RHOBTB1: variants seen among roughly 807,000 people sequenced by gnomAD.
RHOBTB1 encodes Rho related BTB domain containing 1.
Under a neutral mutation model 71.6 loss-of-function variants are expected in RHOBTB1, and 40 were observed. The observed-to-expected ratio is 0.56, with a 90% CI of 0.43 to 0.73. The LOEUF is 0.73. Among genes scored for constraint, RHOBTB1 ranks in the 30% least tolerant of loss-of-function variants. The pLI is 0.00. For synonymous variants in RHOBTB1, 319 were observed against 334.9 expected, an observed-to-expected ratio of 0.95 and a Z score of 0.52; for missense variants, 797 against 894.0, an observed-to-expected ratio of 0.89 and a Z score of 1.38.
At chr10:60,968,648 C>G (rs893134087) in intron 2 of RHOBTB1, among the ~76,000 whole-genome samples, 1 of 152,118 alleles carries the variant, frequency 6.6e-6, no homozygotes, top group African/African-American at 2.4e-5. Flanking sequence ...GATAGTTTCT[C>G]AAAACCTACA....
chr10:60,968,896 T>A (rs1189835165), intron 2 of RHOBTB1, among the ~76,000 whole-genome samples: 2 of 152,126 alleles, frequency 1.3e-5, no homozygotes, highest in African/African-American at 4.8e-5. Flanking sequence ...TGGCAGTTTG[T>A]TGAATGGTCA....
At chr10:60,924,037 A>G (rs2083718450) in intron 2 of RHOBTB1, among the ~76,000 whole-genome samples, 1 of 152,206 alleles carries the variant, frequency 6.6e-6, no homozygotes, top group East Asian at 1.9e-4. Flanking sequence ...ACTACAAAAA[A>G]GAGGAAGGAG....
chr10:60,906,307 G>T (rs1025863809), intron 4 of RHOBTB1, among the ~76,000 whole-genome samples: 38 of 152,210 alleles, frequency 2.5e-4, no homozygotes, highest in African/African-American at 8.7e-4. Flanking sequence ...CTTAATGGAT[G>T]CATATAAAGA....
chr10:60,952,401 G>A (rs553254569), intron 2 of RHOBTB1, among the ~76,000 whole-genome samples: 73 of 152,280 alleles, frequency 4.8e-4, no homozygotes, highest in African/African-American at 1.8e-3. Context: ...TTAGCACTTA[G>A]TAAGTACCCA....
chr10:60,872,141 G>A (rs542698301), intron 10 of RHOBTB1, 44 bp downstream of exon 10: 1 of 1,365,402 alleles, frequency 7.3e-7, no homozygotes, highest in African/African-American at 1.4e-5. Context: ...GCTTCCATGA[G>A]AGGTGAGGAG....
intron 2 of RHOBTB1, among the ~76,000 whole-genome samples, chr10:60,913,912 G>A (rs1209387091): frequency 6.6e-6 from 1 of 152,116 alleles, no homozygotes. Context: ...TGAGGATTAC[G>A]TGAACTGATG....
intron 2 of RHOBTB1, among the ~76,000 whole-genome samples, chr10:60,981,556 C>T (rs1433025210): frequency 1.3e-5 from 2 of 152,044 alleles, no homozygotes; most frequent in Admixed American, 1.3e-4. Context: ...AGCATCAAGT[C>T]AAAACTATTT....
At chr10:60,925,631 A>AT (rs904164270) in intron 2 of RHOBTB1, among the ~76,000 whole-genome samples, 7 of 152,150 alleles carry the variant, frequency 4.6e-5, no homozygotes, top group African/African-American at 1.7e-4. Context: ...AACAAAATGA[A>AT]TTTTTTTGAC....
intron 2 of RHOBTB1, among the ~76,000 whole-genome samples, chr10:60,965,960 T>C (rs1052398181): frequency 6.6e-6 from 1 of 152,122 alleles, no homozygotes; most frequent in African/African-American, 2.4e-5. Context: ...TGGTTGGCCA[T>C]GCAGAAATAA....
chr10:60,899,709 A>T (rs897419761), intron 4 of RHOBTB1, among the ~76,000 whole-genome samples: 3 of 152,192 alleles, frequency 2.0e-5, no homozygotes, highest in Non-Finnish European at 4.4e-5. Flanking sequence ...TCTTCTAGAC[A>T]TTGGGGATAG....
chr10:60,907,965 G>A (rs1303488175), intron 4 of RHOBTB1, among the ~76,000 whole-genome samples: 1 of 152,168 alleles, frequency 6.6e-6, no homozygotes, highest in Non-Finnish European at 1.5e-5. Flanking sequence ...TTCCTGAAAG[G>A]ATTAACTAAT....
chr10:60,988,076 C>T lies in RHOBTB1; in HGVS notation c.-162-2131G>A, dbSNP rs188199281. The stretch of plus-strand genomic sequence containing the variant: ...CCTCCCGGGTAGCTGGGACTACAGG[C>T]GCCCACCACCACGCCCGGCTAATTT... On this transcript the variant is annotated intron_variant, in intron 1 of 11. Coordinates refer to the RHOBTB1 transcript ENST00000357917. 1.4e-3 allele frequency among the ~76,000 whole-genome samples: 205 copies of T among 151,378 alleles called. 3 individuals carry two copies. Among genetic ancestry groups the T allele is most frequent in the African/African-American group, 4.7e-3 (196 of 41,316 alleles).
chr10:60,957,763 A>G (rs2085645114), intron 2 of RHOBTB1, among the ~76,000 whole-genome samples: 1 of 152,180 alleles, frequency 6.6e-6, no homozygotes, highest in Admixed American at 6.5e-5. Flanking sequence ...AATGATATTT[A>G]TTGAATGCTC....
At chr10:60,995,982 C>A (rs1166802178) in intron 1 of RHOBTB1, among the ~76,000 whole-genome samples, 2 of 152,142 alleles carry the variant, frequency 1.3e-5, no homozygotes, top group Non-Finnish European at 2.9e-5. Context: ...GTGCTAAGCA[C>A]CAAACAACTT....
chr10:60,873,869 C>T (rs1246436262), intron 9 of RHOBTB1, among the ~76,000 whole-genome samples: 1 of 152,262 alleles, frequency 6.6e-6, no homozygotes, highest in Non-Finnish European at 1.5e-5. Context: ...TTTATATGTA[C>T]ACGGCCTTTG....
intron 7 of RHOBTB1, among the ~76,000 whole-genome samples, chr10:60,883,756 T>C (rs2081437566): frequency 6.6e-6 from 1 of 152,216 alleles, no homozygotes; most frequent in Non-Finnish European, 1.5e-5. Context: ...TGAATGCTTC[T>C]GAACTGCTTT....
chr10:60,969,511 G>A (rs529442446), intron 2 of RHOBTB1, among the ~76,000 whole-genome samples: 9 of 152,222 alleles, frequency 5.9e-5, no homozygotes, highest in African/African-American at 2.2e-4. Context: ...GCTTGTCAGG[G>A]CATCAAAGAG....
chr10:60,957,756 G>T (rs539040420), intron 2 of RHOBTB1, among the ~76,000 whole-genome samples: 1 of 152,156 alleles, frequency 6.6e-6, no homozygotes, highest in Non-Finnish European at 1.5e-5. Flanking sequence ...CAATGGTAAT[G>T]ATATTTATTG....
intron 1 of RHOBTB1, among the ~76,000 whole-genome samples, chr10:60,986,242 G>GTAATAATACC (rs910370908): frequency 6.6e-6 from 1 of 151,860 alleles, no homozygotes; most frequent in African/African-American, 2.4e-5. Context: ...CCAGGTGGAA[G>GTAATAATACC]TAATAATACC....
Sources: gnomAD v4.1 joint callset for allele counts (sites outside exome capture counted in the v4.1 genomes callset) on GRCh38, gnomAD v4.1.1 for gene constraint, MANE v1.5 for transcripts, NCBI Gene and HGNC (gene_info 2026-07-23, HGNC 2026-07-21) for gene names.